The following SLX4IP variants were observed in gnomAD, a reference collection of about 807,000 sequenced individuals.
SLX4IP encodes SLX4 interacting protein.
A neutral mutation model predicts 32.9 loss-of-function variants in SLX4IP; 34 were observed. The ratio of observed to expected loss-of-function variants is 1.03; its 90% CI spans 0.79 to 1.38. The LOEUF is 1.38. Ranked by LOEUF, SLX4IP falls within the 40% of genes most tolerant of loss-of-function variation. The pLI, the probability that SLX4IP is intolerant of heterozygous loss-of-function variation, is 0.00. For missense variants in SLX4IP, 444 were observed against 479.0 expected (o/e 0.93, Z 0.68); for synonymous variants, 172 against 171.7 (o/e 1.00, Z -0.01).
chr20:10,567,419 G>A (rs549882882), intron 4 of SLX4IP, among the ~76,000 whole-genome samples: 14 of 152,204 alleles, frequency 9.2e-5, no homozygotes, highest in East Asian at 3.9e-4. Flanking sequence ...TCCTTCTGCC[G>A]TGTGAGGATA....
chr20:10,440,851 C>T (rs1388903352), intron 1 of SLX4IP, among the ~76,000 whole-genome samples: 1 of 152,046 alleles, frequency 6.6e-6, no homozygotes, highest in Non-Finnish European at 1.5e-5. Flanking sequence ...TTTGCTTGTG[C>T]TCTTGTTGTT....
intron 6 of SLX4IP, among the ~76,000 whole-genome samples, chr20:10,615,072 CT>C (rs2067010778): frequency 6.6e-6 from 1 of 151,810 alleles, no homozygotes. Context: ...TGTCCTTTTA[CT>C]TTTTTAATGG....
At position 10,626,209 on chromosome 20, in the gene SLX4IP, T is replaced by TTTTTTTTTTC. The variant is rs2067172088; in HGVS notation, c.*2836_*2837insTTTCTTTTTT. ...TTTTGTATTTTTTTTTTTTTTTTTT[T>TTTTTTTTTTC]TTTTTTAGCAGAAACGGGTTTTCAC... On this transcript the variant is annotated 3_prime_UTR_variant, in exon 8 of 8. Transcript: ENST00000334534. The TTTTTTTTTTC allele has an allele frequency of 6.8e-6, 1 of 146,662 alleles. No homozygotes were observed. The highest frequency in any genetic ancestry group is 2.5e-5 in the African/African-American group (1 of 40,142). The allele number at this position is 146,662 out of a possible 1,614,324, so 9.1% of individuals were successfully genotyped here.
chr20:10,543,418 T>C (rs1301619683), intron 2 of SLX4IP, among the ~76,000 whole-genome samples: 1 of 152,338 alleles, frequency 6.6e-6, no homozygotes, highest in East Asian at 1.9e-4. Flanking sequence ...GAGGGAGGTC[T>C]AGGCTACAGC....
chr20:10,499,349 A>C (rs2065697147), intron 2 of SLX4IP, among the ~76,000 whole-genome samples: 1 of 152,220 alleles, frequency 6.6e-6, no homozygotes, highest in Non-Finnish European at 1.5e-5. Context: ...GCATTTACAC[A>C]AATAATTGAA....
chr20:10,552,983 A>G (rs2066232438), intron 2 of SLX4IP, among the ~76,000 whole-genome samples: 1 of 152,176 alleles, frequency 6.6e-6, no homozygotes. Flanking sequence ...AAATGTGTTG[A>G]GACATGTTTT....
At chr20:10,576,266 C>T (rs2066521953) in intron 4 of SLX4IP, among the ~76,000 whole-genome samples, 1 of 152,050 alleles carries the variant, frequency 6.6e-6, no homozygotes, top group African/African-American at 2.4e-5. Flanking sequence ...GTACGATAGA[C>T]ATTTATACTG....
intron 4 of SLX4IP, among the ~76,000 whole-genome samples, chr20:10,562,267 G>A (rs1204694203): frequency 6.6e-6 from 1 of 152,196 alleles, no homozygotes; most frequent in African/African-American, 2.4e-5. Flanking sequence ...GAGAATGGGT[G>A]CAAGGTTTTA....
At chr20:10,528,547 C>T (rs1246034013) in intron 2 of SLX4IP, among the ~76,000 whole-genome samples, 2 of 152,168 alleles carry the variant, frequency 1.3e-5, no homozygotes, top group African/African-American at 4.8e-5. Context: ...CTTCACTGGC[C>T]TTGCCATATT....
chr20:10,511,021 C>T (rs1012631732), intron 2 of SLX4IP, among the ~76,000 whole-genome samples: 7 of 152,164 alleles, frequency 4.6e-5, no homozygotes, highest in African/African-American at 1.4e-4. Flanking sequence ...GAGACAGGGC[C>T]GCTTCCCGGG....
intron 2 of SLX4IP, among the ~76,000 whole-genome samples, chr20:10,541,728 A>G (rs918606424): frequency 6.6e-6 from 1 of 152,000 alleles, no homozygotes; most frequent in Non-Finnish European, 1.5e-5. Flanking sequence ...TTTGTTAACT[A>G]CTCTCAATTA....
intron 4 of SLX4IP, among the ~76,000 whole-genome samples, chr20:10,597,833 C>T (rs1320339173): frequency 6.6e-6 from 1 of 152,172 alleles, no homozygotes; most frequent in Non-Finnish European, 1.5e-5. Flanking sequence ...TTCCAGTTGT[C>T]CTGCATTCTT....
intron 2 of SLX4IP, among the ~76,000 whole-genome samples, chr20:10,541,331 C>T (rs1425462970): frequency 6.6e-6 from 1 of 152,118 alleles, no homozygotes; most frequent in Non-Finnish European, 1.5e-5. Context: ...GATGGGATTC[C>T]CCTTGCATCA....
chr20:10,471,875 C>G (rs1458847766), intron 2 of SLX4IP, among the ~76,000 whole-genome samples: 1 of 152,200 alleles, frequency 6.6e-6, no homozygotes, highest in African/African-American at 2.4e-5. Context: ...CACAAGGTGT[C>G]TCATCACTCA....
intron 4 of SLX4IP, among the ~76,000 whole-genome samples, chr20:10,585,771 A>G (rs1370815399): frequency 6.6e-6 from 1 of 151,892 alleles, no homozygotes. Context: ...TTATATTTTT[A>G]GTAGAGACAG....
intron 2 of SLX4IP, among the ~76,000 whole-genome samples, chr20:10,525,120 G>C (rs1739919675): frequency 6.6e-6 from 1 of 152,030 alleles, no homozygotes; most frequent in Non-Finnish European, 1.5e-5. Context: ...ATCTGATCCA[G>C]CTTATCTTTT....
chr20:10,491,950 T>C (rs1169838006), intron 2 of SLX4IP, among the ~76,000 whole-genome samples: 2 of 152,198 alleles, frequency 1.3e-5, no homozygotes, highest in African/African-American at 4.8e-5. Context: ...CAACATTTGG[T>C]ATTGATTTGC....
At chr20:10,521,405 A>C (rs753044610) in intron 2 of SLX4IP, among the ~76,000 whole-genome samples, 7 of 150,574 alleles carry the variant, frequency 4.6e-5, no homozygotes, top group Non-Finnish European at 1.0e-4. Flanking sequence ...AGCTCCCATC[A>C]CCTCTCTTCT....
chr20:10,574,818 A>T (rs1260694178), intron 4 of SLX4IP, among the ~76,000 whole-genome samples: 1 of 152,014 alleles, frequency 6.6e-6, no homozygotes, highest in East Asian at 1.9e-4. Context: ...GATTACAGGC[A>T]CGTGCCACCA....
Sources: allele counts gnomAD v4.1 joint callset (sites outside exome capture counted in the v4.1 genomes callset), GRCh38; gene constraint gnomAD v4.1.1; transcripts MANE v1.5; gene names NCBI Gene and HGNC (gene_info 2026-07-23, HGNC 2026-07-21).